FNDC3B: variants seen among roughly 807,000 people sequenced by gnomAD.
The protein encoded by FNDC3B is fibronectin type III domain-containing protein 3B.
FNDC3B carries 12 observed loss-of-function variants against 151.5 expected under a neutral mutation model. The ratio of observed to expected loss-of-function variants is 0.08; its 90% confidence interval spans 0.05 to 0.13. The LOEUF is 0.13. Ranked by LOEUF, FNDC3B falls within the 10% of genes least tolerant of loss-of-function variation. The pLI is 1.00. For synonymous variants in FNDC3B, 528 were observed against 549.0 expected (o/e 0.96, Z 0.54); for missense variants, 1,214 against 1,505.3 (o/e 0.81, Z 3.20).
intron 3 of FNDC3B, among the ~76,000 whole-genome samples, chr3:172,177,199 C>G (rs1158459033): frequency 1.6e-5 from 2 of 128,228 alleles, no homozygotes; most frequent in African/African-American, 6.4e-5. Context: ...ATACAGAACC[C>G]TAACTGAAGT....
At chr3:172,376,865 A>G (rs758507857) in intron 23 of FNDC3B, among the ~76,000 whole-genome samples, 17 of 83,104 alleles carry the variant, frequency 2.0e-4, no homozygotes, top group African/African-American at 6.9e-4. Context: ...AAAAAAAAAA[A>G]GAAAGAAAAG....
chr3:172,090,827 C>A (rs1718786305), intron 1 of FNDC3B, among the ~76,000 whole-genome samples: 1 of 152,106 alleles, frequency 6.6e-6, no homozygotes, highest in South Asian at 2.1e-4. Flanking sequence ...AACTTTGTTT[C>A]ATGTATAATA....
At chr3:172,186,640 T>G (rs1227289491) in intron 3 of FNDC3B, 12 of 672,996 alleles carry the variant, frequency 1.8e-5, no homozygotes, top group Non-Finnish European at 2.9e-5. Flanking sequence ...ATGAAGAAAA[T>G]GGCAAGAAAA....
chr3:172,188,223 G>A (rs551560448), intron 3 of FNDC3B, among the ~76,000 whole-genome samples: 67 of 151,682 alleles, frequency 4.4e-4, no homozygotes, highest in South Asian at 6.3e-4. Flanking sequence ...TCAAACTCCC[G>A]ACCTCAGGTG....
At chr3:172,128,122 C>T (rs1720896179) in intron 2 of FNDC3B, among the ~76,000 whole-genome samples, 2 of 152,154 alleles carry the variant, frequency 1.3e-5, no homozygotes, top group South Asian at 4.1e-4. Flanking sequence ...GGAGCTTCAC[C>T]TACAATGTGT....
chr3:172,374,265 C>T (rs941404701), intron 23 of FNDC3B, among the ~76,000 whole-genome samples: 5 of 152,176 alleles, frequency 3.3e-5, no homozygotes, highest in Admixed American at 6.5e-5. Flanking sequence ...CAGTGATGTC[C>T]GTGGTCTCTC....
At chr3:172,324,793 T>C (rs1732260097) in intron 11 of FNDC3B, among the ~76,000 whole-genome samples, 2 of 152,210 alleles carry the variant, frequency 1.3e-5, no homozygotes. Flanking sequence ...TCCAGAATGA[T>C]CAATGGTGTT....
intron 3 of FNDC3B, among the ~76,000 whole-genome samples, chr3:172,151,477 T>TG (rs1471534154): frequency 6.6e-6 from 1 of 152,170 alleles, no homozygotes; most frequent in Non-Finnish European, 1.5e-5. Flanking sequence ...CTCTTTTTTT[T>TG]TCCTACAGTG....
chr3:172,187,900 A>G (rs1048521536), intron 3 of FNDC3B, among the ~76,000 whole-genome samples: 1 of 152,172 alleles, frequency 6.6e-6, no homozygotes, highest in Non-Finnish European at 1.5e-5. Flanking sequence ...GATTACAGAT[A>G]TAAGCCGCGG....
At chr3:172,316,302 G>C (rs929384348) in intron 11 of FNDC3B, 11 of 420,532 alleles carry the variant, frequency 2.6e-5, no homozygotes, top group African/African-American at 2.3e-4. Flanking sequence ...GCCCAGCCCT[G>C]CTTCTTTTCT....
intron 1 of FNDC3B, among the ~76,000 whole-genome samples, chr3:172,093,324 T>C (rs1718933355): frequency 6.6e-6 from 1 of 151,444 alleles, no homozygotes; most frequent in Admixed American, 6.6e-5. Context: ...AGTGGCACTA[T>C]CTTGGCTCAC....
chr3:172,378,844 G>A lies in FNDC3B; in HGVS notation c.3175+408G>A, dbSNP rs28602735. Among the ~76,000 whole-genome samples, 998 of 152,200 alleles carry A rather than the reference G, an allele frequency of 6.6e-3. 13 individuals carry two copies. Among genetic ancestry groups the A allele is most frequent in the African/African-American group, 0.023 (961 of 41,518 alleles). On this transcript the variant is annotated intron_variant, in intron 24 of 25. Transcript: ENST00000415807. The stretch of plus-strand genomic sequence containing the variant: ...ACTTCAGCAGCCTTTCTCTTTTGGC[G>A]CACAGCTCTTGGTGTGGAGCACTGC...
chr3:172,177,626 C>CTTTTTTTTTTT (rs10684671), intron 3 of FNDC3B, among the ~76,000 whole-genome samples: 9,008 of 84,330 alleles, frequency 0.11, 1,189 homozygotes, highest in Non-Finnish European at 0.14. Context: ...TTACCACCAT[C>CTTTTTTTTTTT]TTTTTTTTTT....
At chr3:172,322,637 A>C (rs529361099) in intron 11 of FNDC3B, among the ~76,000 whole-genome samples, 1 of 152,242 alleles carries the variant, frequency 6.6e-6, no homozygotes, top group South Asian at 2.1e-4. Context: ...TTTAGGTACT[A>C]TAACCTAAGA....
intron 1 of FNDC3B, among the ~76,000 whole-genome samples, chr3:172,099,001 C>T (rs1393691439): frequency 6.6e-6 from 1 of 152,224 alleles, no homozygotes; most frequent in Non-Finnish European, 1.5e-5. Flanking sequence ...ACACATTCCA[C>T]TCAGGGTCAG....
At chr3:172,162,475 A>G (rs1722828403) in intron 3 of FNDC3B, among the ~76,000 whole-genome samples, 2 of 152,106 alleles carry the variant, frequency 1.3e-5, no homozygotes, top group South Asian at 4.1e-4. Context: ...GGGTGAATAT[A>G]TATTTTTATT....
chr3:172,129,656 T>C (rs144818019), intron 2 of FNDC3B, among the ~76,000 whole-genome samples: 5 of 152,346 alleles, frequency 3.3e-5, no homozygotes, highest in Admixed American at 1.3e-4. Flanking sequence ...AACTGCCTTC[T>C]GTTTATTTCC....
chr3:172,296,926 A>G (rs1438593924), intron 8 of FNDC3B, among the ~76,000 whole-genome samples: 1 of 152,162 alleles, frequency 6.6e-6, no homozygotes, highest in East Asian at 1.9e-4. Context: ...CCTTGTGTAT[A>G]CTGCGGGACA....
intron 25 of FNDC3B, among the ~76,000 whole-genome samples, chr3:172,386,181 G>A (rs1735697502): frequency 6.6e-6 from 1 of 152,122 alleles, no homozygotes; most frequent in Non-Finnish European, 1.5e-5. Flanking sequence ...TAACTGTAAA[G>A]TATTCTTTAA....
Sources: allele counts gnomAD v4.1 joint callset (sites outside exome capture counted in the v4.1 genomes callset), GRCh38; gene constraint gnomAD v4.1.1; transcripts MANE v1.5; gene names NCBI Gene and HGNC (gene_info 2026-07-23, HGNC 2026-07-21).